RNF220: variants seen among roughly 807,000 people sequenced by gnomAD.
RNF220 encodes the protein E3 ubiquitin-protein ligase RNF220.
A neutral mutation model predicts 67.1 loss-of-function variants in RNF220; 7 were observed. The observed-to-expected ratio is 0.10, with a 90% confidence interval of 0.06 to 0.20. The LOEUF (loss-of-function observed/expected upper bound fraction) is 0.20. Among genes scored for constraint, RNF220 ranks in the 10% least tolerant of loss-of-function variants. The pLI is 1.00. For missense variants in RNF220, 565 were observed against 740.3 expected (o/e 0.76, Z 2.75); for synonymous variants, 270 against 283.2 (o/e 0.95, Z 0.47).
In RNF220 at chr1:44,622,143, G is replaced by T. The variant is rs1643821102; in HGVS notation, c.759-599G>T. 6.6e-6 allele frequency among the ~76,000 whole-genome samples: 1 copy of T among 152,194 alleles called. No homozygotes were observed. Among genetic ancestry groups the T allele is most frequent in the Non-Finnish European group, 1.5e-5 (1 of 67,996 alleles). The stretch of plus-strand genomic sequence containing the variant: ...AATTTTGTTATTAAACACAGTCCTC[G>T]CCTCCCCCACAGCCCATCCATCACC... On this transcript the variant is annotated intron_variant, in intron 3 of 14. Transcript: ENST00000361799. The surrounding 1 kb of genome is among the most constrained non-coding windows in gnomAD (Gnocchi z 4.3).
chr1:44,436,975 C>G (rs1444877976), intron 2 of RNF220, among the ~76,000 whole-genome samples: 1 of 152,202 alleles, frequency 6.6e-6, no homozygotes, highest in African/African-American at 2.4e-5. Context: ...TAAGGCAACA[C>G]TTATGTCCCC....
chr1:44,479,711 ATC>A (rs1350161184), intron 2 of RNF220, among the ~76,000 whole-genome samples: 3 of 152,034 alleles, frequency 2.0e-5, no homozygotes, highest in Non-Finnish European at 4.4e-5. Flanking sequence ...TAATTTGAAA[ATC>A]TCTTACTAGA....
At chr1:44,460,926 C>A (rs1357936959) in intron 2 of RNF220, among the ~76,000 whole-genome samples, 1 of 152,222 alleles carries the variant, frequency 6.6e-6, no homozygotes, top group Admixed American at 6.5e-5. Context: ...GGACTCCTTG[C>A]ATTCCTGGCC....
At chr1:44,431,387 AG>A (rs1650352969) in intron 2 of RNF220, among the ~76,000 whole-genome samples, 1 of 151,094 alleles carries the variant, frequency 6.6e-6, no homozygotes, top group Non-Finnish European at 1.5e-5. Context: ...GCTACTCGGG[AG>A]GCTGAGGCAG....
At chr1:44,537,610 A>T (rs916975803) in intron 2 of RNF220, among the ~76,000 whole-genome samples, 2 of 152,132 alleles carry the variant, frequency 1.3e-5, no homozygotes, top group Non-Finnish European at 2.9e-5. Context: ...GAGGGAGTCT[A>T]TTCTCTTTAC....
At chr1:44,409,543 C>T (rs1442044350) in intron 1 of RNF220, among the ~76,000 whole-genome samples, 1 of 152,212 alleles carries the variant, frequency 6.6e-6, no homozygotes, top group Admixed American at 6.5e-5. Context: ...AAATTAATGT[C>T]AATTCCACTG....
At chr1:44,496,575 A>G (rs141086030) in intron 2 of RNF220, among the ~76,000 whole-genome samples, 10 of 152,306 alleles carry the variant, frequency 6.6e-5, no homozygotes, top group Middle Eastern at 3.4e-3. Context: ...GGAAAAAGCC[A>G]CATGCCCCGG....
At chr1:44,442,469 A>G (rs1464418069) in intron 2 of RNF220, among the ~76,000 whole-genome samples, 1 of 150,264 alleles carries the variant, frequency 6.7e-6, no homozygotes, top group African/African-American at 2.4e-5. Context: ...AAGAGTCCAA[A>G]GGAGAGCTCT....
chr1:44,499,355 GAT>G (rs1322347073), intron 2 of RNF220, among the ~76,000 whole-genome samples: 1 of 152,084 alleles, frequency 6.6e-6, no homozygotes, highest in African/African-American at 2.4e-5. Context: ...TCACTAGTCA[GAT>G]TTTTCCCTAT....
chr1:44,543,109 C>A (rs947178750), intron 2 of RNF220, among the ~76,000 whole-genome samples: 18 of 152,306 alleles, frequency 1.2e-4, no homozygotes, highest in African/African-American at 3.8e-4. Context: ...CCCTCCCTCC[C>A]TCCCCCAGCC....
rs1222210888 is a variant in RNF220, at chr1:44,624,790, C to T, written c.805-1507C>T. ...CTATCATATTAAAGGGTGAAGAAGC[C>T]GTGAATTATTTTCTTAAAGATCTTA... On this transcript the variant is annotated intron_variant, in intron 4 of 14. Transcript: ENST00000361799. The surrounding 1 kb of genome is among the most constrained non-coding windows in gnomAD (Gnocchi z 4.2). 1.3e-5 allele frequency among the ~76,000 whole-genome samples: 2 copies of T among 152,018 alleles called. No individual in the cohort carries two copies. Among genetic ancestry groups the T allele is most frequent in the Non-Finnish European group, 2.9e-5 (2 of 68,010 alleles).
At chr1:44,595,033 C>T (rs995630417) in intron 2 of RNF220, among the ~76,000 whole-genome samples, 91 of 152,302 alleles carry the variant, frequency 6.0e-4, no homozygotes, top group African/African-American at 2.1e-3. Context: ...TAGGACCTTG[C>T]CACTCAAAGA....
chr1:44,509,885 C>CAAAAAAAAA (rs57479392), intron 2 of RNF220, among the ~76,000 whole-genome samples: 7 of 106,104 alleles, frequency 6.6e-5, no homozygotes, highest in Non-Finnish European at 8.8e-5. Context: ...AGACCCTGTC[C>CAAAAAAAAA]AAAAAAAAAA....
intron 2 of RNF220, among the ~76,000 whole-genome samples, chr1:44,461,401 A>G (rs776460026): frequency 4.1e-4 from 62 of 152,188 alleles, no homozygotes; most frequent in Non-Finnish European, 7.8e-4. Flanking sequence ...AATCAAAATT[A>G]AGACTCTTGT....
At chr1:44,620,494 T>G (rs892258655) in intron 3 of RNF220, among the ~76,000 whole-genome samples, 22 of 151,982 alleles carry the variant, frequency 1.4e-4, no homozygotes, top group African/African-American at 5.3e-4. Flanking sequence ...AATGAAGGAG[T>G]GAACGAATGA....
chr1:44,549,745 A>T (rs1176848077), intron 2 of RNF220, among the ~76,000 whole-genome samples: 1 of 152,212 alleles, frequency 6.6e-6, no homozygotes, highest in African/African-American at 2.4e-5. Context: ...ACGTTAGGTA[A>T]ACACGCCAAG....
intron 2 of RNF220, among the ~76,000 whole-genome samples, chr1:44,541,785 G>A (rs1163278449): frequency 1.3e-5 from 2 of 152,194 alleles, no homozygotes; most frequent in African/African-American, 4.8e-5. Context: ...AGCCTCTCCT[G>A]TTTGGTCAGG....
At chr1:44,558,185 C>T (rs1417368969) in intron 2 of RNF220, among the ~76,000 whole-genome samples, 4 of 152,204 alleles carry the variant, frequency 2.6e-5, no homozygotes, top group African/African-American at 9.6e-5. Flanking sequence ...AAGGCATTGC[C>T]TTGCACTTGC....
At chr1:44,543,975 C>T (rs768877638) in intron 2 of RNF220, among the ~76,000 whole-genome samples, 1 of 152,190 alleles carries the variant, frequency 6.6e-6, no homozygotes, top group Non-Finnish European at 1.5e-5. Context: ...TTGCATTATG[C>T]CCAGTTGCCC....
Sources: allele counts gnomAD v4.1 joint callset (sites outside exome capture counted in the v4.1 genomes callset), GRCh38; gene constraint gnomAD v4.1.1; non-coding constraint Gnocchi (gnomAD v3.1); transcripts MANE v1.5; gene names NCBI Gene and HGNC (gene_info 2026-07-23, HGNC 2026-07-21).